Variants in ASB15 observed in about 807,000 individuals in gnomAD.
ASB15 encodes ankyrin repeat and SOCS box containing 15.
In ASB15, 54 loss-of-function variants were observed where a neutral mutation model predicts 58.0. The ratio of observed to expected loss-of-function variants is 0.93; its 90% CI spans 0.75 to 1.17. ASB15 has a LOEUF of 1.17. Ranked by LOEUF, ASB15 falls within the 50% of genes most tolerant of loss-of-function variation. The pLI is 0.00. For missense variants in ASB15, 680 were observed against 707.4 expected (o/e 0.96, Z 0.44); for synonymous variants, 249 against 262.4 (o/e 0.95, Z 0.50).
chr7:123,636,569 G>C (rs1802437504), intron 11 of ASB15, among the ~76,000 whole-genome samples: 1 of 152,180 alleles, frequency 6.6e-6, no homozygotes, highest in Non-Finnish European at 1.5e-5. Flanking sequence ...CCTACCATGA[G>C]CCAGACTCTC....
At chr7:123,626,803 T>C (rs1348289948) in intron 8 of ASB15, among the ~76,000 whole-genome samples, 1 of 152,192 alleles carries the variant, frequency 6.6e-6, no homozygotes, top group Non-Finnish European at 1.5e-5. Flanking sequence ...AGTGGAGTGA[T>C]CTCGGCTCAT....
At chr7:123,625,008 A>G in intron 8 of ASB15, 194 bp downstream of exon 8, 2 of 616,388 alleles carry the variant, frequency 3.2e-6, no homozygotes, top group Non-Finnish European at 5.5e-6. Context: ...AGCCCTATAC[A>G]TTGTGACCTA....
Position 123,624,790 on chromosome 7 carries a change from G to A in ASB15, c.673G>A (p.Val225Met), listed in dbSNP as rs1410289797. The change falls in exon 8 of 12, where the codon GTG becomes ATG. Residue 225 changes from valine to methionine, a missense_variant. Coordinates refer to ENST00000451215, the MANE Select transcript of ASB15 (RefSeq NM_001290258.2). ...GVAAEYGHCD[V>M]LEHLIHKGGD... is the part of the protein sequence containing the mutation. ...CGCTGCCGAGTATGGTCACTGTGAC[G>A]TGTTAGAACATCTAATCCACAAAGG... 5 of 1,613,944 alleles carry A rather than the reference G, an allele frequency of 3.1e-6. No homozygotes were observed. The South Asian group carries it at 4.4e-5, about 14-fold the overall frequency.
upstream of ASB15, among the ~76,000 whole-genome samples, chr7:123,601,257 TA>T (rs1169966511): frequency 7.2e-5 from 11 of 152,228 alleles, no homozygotes; most frequent in African/African-American, 2.4e-4. Context: ...CTTGTTTTAT[TA>T]ATACATTTGC....
intron 11 of ASB15, among the ~76,000 whole-genome samples, chr7:123,635,880 T>C (rs1250077550): frequency 6.6e-6 from 1 of 152,188 alleles, no homozygotes; most frequent in Non-Finnish European, 1.5e-5. Flanking sequence ...AACATTGTTT[T>C]TAATTTTAAA....
intron 7 of ASB15, among the ~76,000 whole-genome samples, chr7:123,618,439 A>G (rs925493051): frequency 6.6e-6 from 1 of 152,228 alleles, no homozygotes; most frequent in East Asian, 1.9e-4. Context: ...TTTAAATCTT[A>G]GCTGTGAATT....
At chr7:123,585,771 ACT>A (rs1799359325) in intron 1 of ASB15, among the ~76,000 whole-genome samples, 1 of 151,290 alleles carries the variant, frequency 6.6e-6, no homozygotes, top group East Asian at 1.9e-4. Flanking sequence ...TATAACTGAA[ACT>A]CTGTTTCTAT....
At chr7:123,622,189 C>T (rs1801374435) in intron 7 of ASB15, among the ~76,000 whole-genome samples, 1 of 152,058 alleles carries the variant, frequency 6.6e-6, no homozygotes, top group Non-Finnish European at 1.5e-5. Flanking sequence ...TGAAGCTATA[C>T]ATTTTAAAAA....
At chr7:123,611,345 G>A (rs113562856) in intron 3 of ASB15, among the ~76,000 whole-genome samples, 1 of 151,980 alleles carries the variant, frequency 6.6e-6, no homozygotes, top group South Asian at 2.1e-4. Context: ...CCCAGGCTGG[G>A]GTGCAGTGGC....
chr7:123,630,214 C>T (rs917292883), intron 11 of ASB15, 95 bp downstream of exon 11: 5 of 892,258 alleles, frequency 5.6e-6, no homozygotes, highest in Non-Finnish European at 8.1e-6. Context: ...CTATGCTACT[C>T]TACTGTATTT....
chr7:123,634,783 A>G (rs1467756817), intron 11 of ASB15, among the ~76,000 whole-genome samples: 2 of 152,250 alleles, frequency 1.3e-5, no homozygotes, highest in Non-Finnish European at 2.9e-5. Flanking sequence ...ATAGCCTCCG[A>G]TAAATTAATG....
At chr7:123,583,360 C>G (rs568222178) in intron 1 of ASB15, among the ~76,000 whole-genome samples, 13 of 151,976 alleles carry the variant, frequency 8.6e-5, no homozygotes, top group African/African-American at 2.9e-4. Flanking sequence ...TGGGAACTAA[C>G]GGGAAACTGG....
chr7:123,568,531 A>G (rs567404261), intron 1 of ASB15, among the ~76,000 whole-genome samples: 1 of 152,070 alleles, frequency 6.6e-6, no homozygotes, highest in Non-Finnish European at 1.5e-5. Context: ...CAAGAAAAAA[A>G]AAAAAAAAGA....
chr7:123,596,771 G>A (rs1056886594), intron 1 of ASB15, among the ~76,000 whole-genome samples: 26 of 152,000 alleles, frequency 1.7e-4, no homozygotes, highest in African/African-American at 5.6e-4. Flanking sequence ...ATGTCATTAC[G>A]CATTAGCAAC....
At chr7:123,586,539 C>A (rs888144028) in intron 1 of ASB15, among the ~76,000 whole-genome samples, 1 of 151,652 alleles carries the variant, frequency 6.6e-6, no homozygotes, top group Non-Finnish European at 1.5e-5. Flanking sequence ...CTTTGCTGTG[C>A]AGAAACTTTT....
chr7:123,608,140 T>G (rs1800239742), intron 2 of ASB15, among the ~76,000 whole-genome samples: 2 of 152,274 alleles, frequency 1.3e-5, no homozygotes, highest in African/African-American at 4.8e-5. Flanking sequence ...CATACTAATT[T>G]CATTAAAATT....
chr7:123,628,986 G>A lies in ASB15; in HGVS notation c.992G>A (p.Gly331Asp). ...TGTCTAGAACTGCTCATTGAAAATG[G>A]TTTTGATGTCAACACTCTACTTGCT... ...AQCLELLIEN[G>D]FDVNTLLADH... Residue 331 changes from glycine to aspartate, a missense_variant, in exon 10 of 12, where the codon GGT becomes GAT. Physicochemically the swap from Gly to Asp is moderately conservative, Grantham distance 94 (BLOSUM62 -1). Coordinates refer to ENST00000451215, the MANE Select transcript of ASB15 (RefSeq NM_001290258.2). 1 of 1,613,496 alleles carries A rather than the reference G, an allele frequency of 6.2e-7. No homozygotes were observed. Among genetic ancestry groups the A allele is most frequent in the South Asian group, 1.1e-5 (1 of 91,048 alleles).
At chr7:123,593,516 T>C (rs1799604971) in intron 1 of ASB15, among the ~76,000 whole-genome samples, 1 of 152,204 alleles carries the variant, frequency 6.6e-6, no homozygotes, top group Admixed American at 6.5e-5. Context: ...ATTTTATTTC[T>C]CCTTCACTTA....
intron 3 of ASB15, chr7:123,609,124 G>T (rs1372545746): frequency 6.6e-6 from 1 of 152,110 alleles, no homozygotes; most frequent in Admixed American, 6.6e-5. Context: ...CAGGGAATCA[G>T]TGTCCCCCAT....
Sources: allele counts gnomAD v4.1 joint callset (sites outside exome capture counted in the v4.1 genomes callset), GRCh38; gene constraint gnomAD v4.1.1; transcripts MANE v1.5; gene names NCBI Gene and HGNC (gene_info 2026-07-23, HGNC 2026-07-21).